The following SLC35F3 variants were observed in gnomAD, a reference collection of about 807,000 sequenced individuals.
The protein encoded by SLC35F3 is putative thiamine transporter SLC35F3.
A neutral mutation model predicts 49.9 loss-of-function variants in SLC35F3; 25 were observed. The observed-to-expected ratio is 0.50, with a 90% CI of 0.37 to 0.70. The LOEUF (loss-of-function observed/expected upper bound fraction) is 0.70. Ranked by LOEUF, SLC35F3 falls within the 30% of genes least tolerant of loss-of-function variation. The pLI is 0.00. For synonymous variants in SLC35F3, 275 were observed against 265.4 expected (o/e 1.04, Z -0.35); for missense variants, 525 against 639.8 (o/e 0.82, Z 1.94).
chr1:234,214,276 C>G lies in SLC35F3; in HGVS notation c.284-17141C>G. ...TGCGCGCGTGTGTGTGGAGTGGCTG[C>G]GCGGCCGGGGAGGATGTGCGCTGCA... On this transcript the variant is annotated intron_variant, in intron 2 of 7. Transcript: ENST00000366618. The surrounding 1 kb of genome is among the most constrained non-coding windows in gnomAD (Gnocchi z 8.0). The G allele has an allele frequency of 5.5e-6, 7 of 1,270,614 alleles. No individual in the cohort carries two copies. Among genetic ancestry groups the G allele is most frequent in the Non-Finnish European group, 6.9e-6 (7 of 1,011,738 alleles). 78.7% of individuals were successfully genotyped at this position (1,270,614 alleles called of 1,614,324 possible).
At chr1:234,273,769 A>T (rs1455134277) in intron 3 of SLC35F3, among the ~76,000 whole-genome samples, 1 of 152,158 alleles carries the variant, frequency 6.6e-6, no homozygotes, top group Non-Finnish European at 1.5e-5. Flanking sequence ...TGGAGGATTC[A>T]TGAAATGATT....
chr1:234,054,052 T>G (rs1448614783), intron 2 of SLC35F3, among the ~76,000 whole-genome samples: 1 of 152,200 alleles, frequency 6.6e-6, no homozygotes, highest in Non-Finnish European at 1.5e-5. Context: ...TAACCAGACC[T>G]TTCTCTCTGG....
At chr1:234,058,271 A>G (rs999059982) in intron 2 of SLC35F3, among the ~76,000 whole-genome samples, 1 of 148,460 alleles carries the variant, frequency 6.7e-6, no homozygotes, top group South Asian at 2.1e-4. Flanking sequence ...GTATTCCTAT[A>G]ATAAGTCTCA....
At chr1:234,092,735 G>C (rs1032626379) in intron 2 of SLC35F3, among the ~76,000 whole-genome samples, 1 of 152,100 alleles carries the variant, frequency 6.6e-6, no homozygotes, top group African/African-American at 2.4e-5. Context: ...GGCATGGTTG[G>C]TGCATGCCTA....
intron 2 of SLC35F3, among the ~76,000 whole-genome samples, chr1:234,209,697 A>G (rs565292463): frequency 1.2e-4 from 19 of 152,208 alleles, no homozygotes; most frequent in African/African-American, 4.3e-4. Flanking sequence ...AAAATGAAAA[A>G]TAGAAACAGC....
intron 2 of SLC35F3, among the ~76,000 whole-genome samples, chr1:234,086,390 C>T (rs1025471396): frequency 1.3e-5 from 2 of 152,198 alleles, no homozygotes; most frequent in Non-Finnish European, 2.9e-5. Context: ...CCATAGCCAA[C>T]TGGGAGTTAT....
intron 3 of SLC35F3, among the ~76,000 whole-genome samples, chr1:234,291,774 A>T (rs1451760688): frequency 6.6e-6 from 1 of 152,190 alleles, no homozygotes; most frequent in Non-Finnish European, 1.5e-5. Flanking sequence ...ATTTGTATTT[A>T]CGCTAATTAG....
intron 2 of SLC35F3, among the ~76,000 whole-genome samples, chr1:234,167,681 A>G (rs1372781666): frequency 6.6e-6 from 1 of 152,174 alleles, no homozygotes; most frequent in Non-Finnish European, 1.5e-5. Flanking sequence ...ACGCCACTTC[A>G]TAGCAAGCAG....
At chr1:233,999,340 A>G (rs572459071) in intron 2 of SLC35F3, among the ~76,000 whole-genome samples, 1 of 150,342 alleles carries the variant, frequency 6.7e-6, no homozygotes, top group South Asian at 2.1e-4. Context: ...CCTTGTGTCC[A>G]TTGTCTCTCC....
rs117486852 is a variant in SLC35F3, at chr1:234,240,626, A to T, written c.608+8885A>T. 4.6e-4 allele frequency among the ~76,000 whole-genome samples: 70 copies of T among 152,214 alleles called. 1 individual carries two copies. The East Asian group carries it at 0.014, about 29-fold the overall frequency. On this transcript the variant is annotated intron_variant, in intron 3 of 7. Coordinates refer to ENST00000366618, the MANE Select transcript of SLC35F3 (RefSeq NM_173508.4). ...TCTGAAAAAAAAAAATAAAAAAGCC[A>T]AATATGTATATATATAAAATGACAA...
At chr1:234,219,788 C>T (rs868103676) in intron 2 of SLC35F3, among the ~76,000 whole-genome samples, 10 of 152,144 alleles carry the variant, frequency 6.6e-5, no homozygotes, top group Admixed American at 2.0e-4. Flanking sequence ...CTCCAGGTGA[C>T]GGCCTAAACA....
At chr1:233,919,076 T>C (rs1662019907) in intron 2 of SLC35F3, among the ~76,000 whole-genome samples, 1 of 152,178 alleles carries the variant, frequency 6.6e-6, no homozygotes, top group Admixed American at 6.5e-5. Flanking sequence ...TCAACCTTTC[T>C]GTAAATGTGA....
chr1:233,927,917 A>G (rs529192006), intron 2 of SLC35F3, among the ~76,000 whole-genome samples: 2 of 152,330 alleles, frequency 1.3e-5, no homozygotes, highest in South Asian at 2.1e-4. Flanking sequence ...ATTTTAAAGT[A>G]TTAATATTTA....
chr1:234,267,908 A>G (rs1668021566), intron 3 of SLC35F3, among the ~76,000 whole-genome samples: 1 of 140,264 alleles, frequency 7.1e-6, no homozygotes, highest in Non-Finnish European at 1.5e-5. Context: ...GCTGCCGGGC[A>G]GAGACGCTCC....
intron 2 of SLC35F3, among the ~76,000 whole-genome samples, chr1:234,054,407 ACT>A (rs1252588980): frequency 6.6e-6 from 1 of 151,604 alleles, no homozygotes; most frequent in Non-Finnish European, 1.5e-5. Context: ...TCAATCACTG[ACT>A]CTTTCTTCCA....
chr1:234,245,315 C>G (rs961457523), intron 3 of SLC35F3, among the ~76,000 whole-genome samples: 1 of 152,234 alleles, frequency 6.6e-6, no homozygotes, highest in Non-Finnish European at 1.5e-5. Context: ...CTTTTTACAG[C>G]GGAATGGTAT....
intron 2 of SLC35F3, among the ~76,000 whole-genome samples, chr1:234,142,377 AG>A (rs1665929447): frequency 6.6e-6 from 1 of 152,202 alleles, no homozygotes; most frequent in Non-Finnish European, 1.5e-5. Flanking sequence ...TGAACAAGAA[AG>A]GAGCTCATGC....
intron 3 of SLC35F3, among the ~76,000 whole-genome samples, chr1:234,271,518 T>C (rs774086784): frequency 6.6e-6 from 1 of 152,236 alleles, no homozygotes; most frequent in Non-Finnish European, 1.5e-5. Flanking sequence ...CTCTTTCTGT[T>C]ATCTTTGATT....
intron 2 of SLC35F3, among the ~76,000 whole-genome samples, chr1:233,928,832 T>TA (rs1374394414): frequency 2.6e-5 from 4 of 152,172 alleles, no homozygotes; most frequent in Admixed American, 2.6e-4. Context: ...AGCGAGCTGT[T>TA]ACTGTGTAAT....
Sources: allele counts gnomAD v4.1 joint callset (sites outside exome capture counted in the v4.1 genomes callset), GRCh38; gene constraint gnomAD v4.1.1; non-coding constraint Gnocchi (gnomAD v3.1); transcripts MANE v1.5; gene names NCBI Gene and HGNC (gene_info 2026-07-23, HGNC 2026-07-21).